ANO5: variants seen among roughly 807,000 people sequenced by gnomAD.
ANO5 encodes the protein anoctamin-5.
Under a neutral mutation model 121.0 loss-of-function variants are expected in ANO5, and 109 were observed. The ratio of observed to expected loss-of-function variants is 0.90; its 90% CI spans 0.77 to 1.06. The LOEUF is 1.06. Ranked by LOEUF, ANO5 falls within the 50% of genes least tolerant of loss-of-function variation. The pLI, the probability that ANO5 is intolerant of heterozygous loss-of-function variation, is 0.00. For missense variants in ANO5, 1,064 were observed against 1,078.5 expected (o/e 0.99, Z 0.19); for synonymous variants, 406 against 359.9 (o/e 1.13, Z -1.45).
chr11:22,257,943 G>A (rs1854058558), intron 14 of ANO5, among the ~76,000 whole-genome samples, 189 bp downstream of exon 14: 1 of 152,012 alleles, frequency 6.6e-6, no homozygotes, highest in African/African-American at 2.4e-5. Flanking sequence ...TAAACTTTGG[G>A]AAAAGATCTT....
Position 22,198,333 on chromosome 11 carries a change from G to A in ANO5, c.40+4801G>A, listed in dbSNP as rs78332027. ...TTCAGGCAAGGCCTGAAAGGAGGAG[G>A]TCTAGGCTGATATAATGTGAAAAAT... On this transcript the variant is annotated intron_variant, in intron 1 of 21. Transcript: ENST00000324559. 9.1e-3 allele frequency among the ~76,000 whole-genome samples: 1,381 copies of A among 152,242 alleles called. 12 individuals carry two copies. The highest frequency in any genetic ancestry group is 0.037 in the Middle Eastern group (11 of 294).
At chr11:22,240,162 T>A (rs909683083) in intron 9 of ANO5, among the ~76,000 whole-genome samples, 2 of 151,954 alleles carry the variant, frequency 1.3e-5, no homozygotes, top group Admixed American at 1.3e-4. Context: ...AGACAAAGGT[T>A]GTGTATGGAT....
chr11:22,246,072 G>T (rs750144072), intron 9 of ANO5, among the ~76,000 whole-genome samples: 1 of 152,028 alleles, frequency 6.6e-6, no homozygotes, highest in Non-Finnish European at 1.5e-5. Flanking sequence ...ATTTCTACGA[G>T]ATTCTAACTC....
rs192812947 is a variant in ANO5 at position 22,209,528 on chromosome 11, T to G, written c.88-1736T>G. ...ATATAAATTGTTTTATTGTTATGTC[T>G]CCTATGTTTTGGAGCTGGGATTCTG... On this transcript the variant is annotated intron_variant, in intron 2 of 21. Transcript: ENST00000324559. 3.5e-3 allele frequency among the ~76,000 whole-genome samples: 527 copies of G among 152,004 alleles called. 1 individual carries two copies. The highest frequency in any genetic ancestry group is 5.4e-3 in the Non-Finnish European group (367 of 67,842).
chr11:22,239,698 A>G lies in ANO5; in HGVS notation c.878+14A>G. The G allele has an allele frequency of 6.5e-7, 1 of 1,535,016 alleles. No homozygotes were observed. The highest frequency in any genetic ancestry group is 9.0e-7 in the Non-Finnish European group (1 of 1,108,612). The stretch of plus-strand genomic sequence containing the variant: ...AGACTTGATTAAGTAAGTTTCATAC[A>G]CAGGATCAGACCAATTAAAACTTGA... On this transcript the variant is annotated intron_variant, in intron 9 of 21. Coordinates refer to ENST00000324559, the MANE Select transcript of ANO5 (RefSeq NM_213599.3).
chr11:22,260,646 C>G (rs1854160225), intron 15 of ANO5, among the ~76,000 whole-genome samples: 1 of 152,116 alleles, frequency 6.6e-6, no homozygotes, highest in South Asian at 2.1e-4. Context: ...GAAAAAAAAT[C>G]AAGTTCACAT....
chr11:22,204,955 A>G (rs1852067585), intron 2 of ANO5, among the ~76,000 whole-genome samples: 1 of 152,176 alleles, frequency 6.6e-6, no homozygotes, highest in African/African-American at 2.4e-5. Context: ...CTAAATGCCC[A>G]TCAATGATAG....
At chr11:22,254,707 A>AT (rs1818703199) in intron 12 of ANO5, among the ~76,000 whole-genome samples, 1 of 151,888 alleles carries the variant, frequency 6.6e-6, no homozygotes, top group South Asian at 2.1e-4. Flanking sequence ...TATTTTGTGA[A>AT]TTTTTTTGAA....
At chr11:22,240,681 T>C (rs1357276025) in intron 9 of ANO5, among the ~76,000 whole-genome samples, 1 of 152,098 alleles carries the variant, frequency 6.6e-6, no homozygotes, top group East Asian at 1.9e-4. Flanking sequence ...ACATTTCAAA[T>C]AATTAAGAGA....
chr11:22,269,531 GAAAAA>G (rs1465591059), intron 17 of ANO5, among the ~76,000 whole-genome samples: 2 of 117,418 alleles, frequency 1.7e-5, no homozygotes, highest in Non-Finnish European at 3.5e-5. Context: ...AGGAAGGAAA[GAAAAA>G]AAGAAAAGGA....
chr11:22,276,802 A>C (rs1854869345), intron 21 of ANO5, among the ~76,000 whole-genome samples: 1 of 151,728 alleles, frequency 6.6e-6, no homozygotes, highest in East Asian at 1.9e-4. Flanking sequence ...GATACAAATC[A>C]TAGGGCAAGA....
chr11:22,226,343 T>A lies in ANO5; in HGVS notation c.363+291T>A, dbSNP rs192199359. Reference sequence around the variant, plus strand: ...TAACAGTTTCATTTTGAAGTCTGCCTATAATCTGGTACCCTAAATAATTAA... The same window carrying A: ...TAACAGTTTCATTTTGAAGTCTGCCAATAATCTGGTACCCTAAATAATTAA... On this transcript the variant is annotated intron_variant, in intron 6 of 21. Transcript: ENST00000324559. Among the ~76,000 whole-genome samples, 20 of 152,266 alleles carry A rather than the reference T, an allele frequency of 1.3e-4. No individual in the cohort carries two copies. The East Asian group carries it at 3.9e-3, about 30-fold the overall frequency.
rs115681635 is a variant in ANO5 at position 22,193,773 on chromosome 11, C to A, written c.40+241C>A. ...GCTGCTCCTGCGCGCCAGGGACCTG[C>A]GACCTGTGACCCCTATGGTTCCGGA... On this transcript the variant is annotated intron_variant, in intron 1 of 21. Transcript: ENST00000324559. Among the ~76,000 whole-genome samples the A allele has an allele frequency of 9.0e-3, 1,363 of 152,278 alleles. 19 individuals are homozygous for A. Among genetic ancestry groups the A allele is most frequent in the African/African-American group, 0.031 (1,300 of 41,554 alleles).
At chr11:22,257,887 A>C in intron 14 of ANO5, 133 bp downstream of exon 14, 1 of 743,424 alleles carries the variant, frequency 1.3e-6, no homozygotes, top group Non-Finnish European at 2.3e-6. Flanking sequence ...TCTTGGTTAT[A>C]GCTCTTATAC....
In ANO5 at chr11:22,279,861, TTTC is replaced by T. The variant is rs879184858; in HGVS notation, c.*99_*101del. On this transcript the variant is annotated 3_prime_UTR_variant, in exon 22 of 22. Coordinates refer to ENST00000324559, the MANE Select transcript of ANO5 (RefSeq NM_213599.3). ...CAGAAGCCATGTGTCAATTTTACCC[TTTC>T]TTTTTTTTTTTTTTCTTTTTTTTTT... 3.5e-6 allele frequency: 3 copies of T among 864,096 alleles called. No homozygotes were observed. The highest frequency in any genetic ancestry group is 1.6e-5 in the South Asian group (1 of 60,774). The allele number at this position is 864,096 out of a possible 1,614,324, so 53.5% of individuals were successfully genotyped here. A position where few individuals can be genotyped will look rare whatever the true frequency, so the allele number is the denominator to read the frequency against.
intron 18 of ANO5, among the ~76,000 whole-genome samples, chr11:22,272,302 G>GCACA (rs60487083): frequency 0.079 from 10,624 of 134,420 alleles, 550 homozygotes; most frequent in Admixed American, 0.13. Context: ...TCCTTTTCCG[G>GCACA]CACACACACA....
At chr11:22,259,782 T>A (rs1258544232) in intron 15 of ANO5, 41 bp downstream of exon 15, 3 of 1,545,088 alleles carry the variant, frequency 1.9e-6, no homozygotes, top group East Asian at 2.3e-5. Flanking sequence ...GAAGAATGAT[T>A]CTTATTGATG....
chr11:22,198,940 T>TA (rs1851886727), intron 1 of ANO5, among the ~76,000 whole-genome samples: 1 of 152,190 alleles, frequency 6.6e-6, no homozygotes, highest in East Asian at 1.9e-4. Flanking sequence ...GCTATGTGTT[T>TA]AGGCAGTAAT....
chr11:22,273,041 TG>T, intron 19 of ANO5, 52 bp downstream of exon 19: 1 of 1,509,996 alleles, frequency 6.6e-7, no homozygotes, highest in African/African-American at 1.4e-5. Context: ...TTGGGGGGTG[TG>T]GGGAGATGTG....
Sources: allele counts gnomAD v4.1 joint callset (sites outside exome capture counted in the v4.1 genomes callset), GRCh38; gene constraint gnomAD v4.1.1; transcripts MANE v1.5; gene names NCBI Gene and HGNC (gene_info 2026-07-23, HGNC 2026-07-21).